Variants in NUP58 observed in about 807,000 individuals in gnomAD.
NUP58 encodes nucleoporin p58/p45.
In NUP58, 17 loss-of-function variants were observed where a neutral mutation model predicts 70.1. That is an observed-to-expected ratio of 0.24 (90% CI 0.17 to 0.36). The LOEUF (loss-of-function observed/expected upper bound fraction) is 0.36. NUP58 is among the 10% of genes least tolerant of loss of function. NUP58 has a pLI of 1.00. For synonymous variants in NUP58, 275 were observed against 257.6 expected (o/e 1.07, Z -0.65); for missense variants, 644 against 701.5 (o/e 0.92, Z 0.93).
intron 12 of NUP58, among the ~76,000 whole-genome samples, chr13:25,328,187 A>G (rs2031472834): frequency 6.6e-6 from 1 of 151,970 alleles, no homozygotes; most frequent in African/African-American, 2.4e-5. Flanking sequence ...CAACAGAGCA[A>G]GATTCCATCT....
chr13:25,335,503 C>T, intron 13 of NUP58: 25 of 984,994 alleles, frequency 2.5e-5, no homozygotes, highest in Non-Finnish European at 3.0e-5. Context: ...GTTTCTTTTT[C>T]CTATAGTAAC....
intron 9 of NUP58, among the ~76,000 whole-genome samples, chr13:25,322,470 A>G (rs1279542379): frequency 6.6e-6 from 1 of 152,218 alleles, no homozygotes; most frequent in Non-Finnish European, 1.5e-5. Context: ...CAAAATCTGA[A>G]ATGTTGCAAA....
In NUP58 at chr13:25,307,817, T is replaced by C. The variant is rs748952546; in HGVS notation, c.119T>C (p.Val40Ala). 1 of 1,614,186 alleles carries C rather than the reference T, an allele frequency of 6.2e-7. No individual in the cohort carries two copies. The highest frequency in any genetic ancestry group is 1.1e-5 in the South Asian group (1 of 91,086). Residue 40 changes from valine to alanine, a missense_variant, in exon 2 of 16, where the codon GTG becomes GCG. Around this residue, in one of 4 missense-constraint regions of NUP58, gnomAD observed 430 missense variants for 409.2 expected, o/e 1.05. Coordinates refer to ENST00000381736, the MANE Select transcript of NUP58 (RefSeq NM_014089.4). ...TTTCTTTAAATAAGCAACCCTTCTG[T>C]GGGGCTCAATTTTGGAAATCTTGGA... ...FGTGASSNPSVGLNFGNLGST... is the reference protein window; with the variant it reads ...FGTGASSNPSAGLNFGNLGST...
At chr13:25,308,744 A>C (rs564706044) in intron 2 of NUP58, among the ~76,000 whole-genome samples, 8 of 152,316 alleles carry the variant, frequency 5.3e-5, no homozygotes, top group African/African-American at 1.9e-4. Context: ...TGGAAAAATA[A>C]TGTTTCACTG....
chr13:25,334,653 A>G (rs2031720885), intron 13 of NUP58: 6 of 980,716 alleles, frequency 6.1e-6, no homozygotes, highest in Non-Finnish European at 7.3e-6. Context: ...AGAAATAACC[A>G]TACTAATTAC....
chr13:25,347,284 AAT>A (rs2032061929), downstream of NUP58, among the ~76,000 whole-genome samples: 1 of 152,138 alleles, frequency 6.6e-6, no homozygotes. Flanking sequence ...GAGTGAAGAG[AAT>A]ACCTTTCCTT....
chr13:25,309,921 A>G, intron 3 of NUP58: 2 of 240,956 alleles, frequency 8.3e-6, no homozygotes, highest in Non-Finnish European at 1.8e-5. Context: ...AAGGATTGGC[A>G]GACTTTCTTC....
chr13:25,313,115 A>G, intron 4 of NUP58, 83 bp downstream of exon 4: 2 of 1,441,254 alleles, frequency 1.4e-6, no homozygotes, highest in African/African-American at 1.4e-5. Flanking sequence ...TCACCTTACT[A>G]CAGAAATTAT....
At chr13:25,323,081 C>T (rs965114747) in intron 9 of NUP58, among the ~76,000 whole-genome samples, 19 of 152,008 alleles carry the variant, frequency 1.2e-4, no homozygotes, top group African/African-American at 4.1e-4. Flanking sequence ...ATAATGGGCA[C>T]ATTAATAGTC....
At chr13:25,326,007 G>GT (rs2031380416) in intron 10 of NUP58, among the ~76,000 whole-genome samples, 1 of 152,024 alleles carries the variant, frequency 6.6e-6, no homozygotes, top group Admixed American at 6.6e-5. Context: ...CACATTCTAT[G>GT]TGTGTATATA....
chr13:25,313,762 G>T lies in NUP58; in HGVS notation c.574+11G>T. The T allele has an allele frequency of 6.6e-7, 1 of 1,513,718 alleles. No individual in the cohort carries two copies. The allele number at this position is 1,513,718 out of a possible 1,614,324, so 93.8% of individuals were successfully genotyped here. A position where few individuals can be genotyped will look rare whatever the true frequency, so the allele number is the denominator to read the frequency against. On this transcript the variant is annotated intron_variant, in intron 5 of 15. Coordinates refer to ENST00000381736, the MANE Select transcript of NUP58 (RefSeq NM_014089.4). ...ACACAGGAACATCAGGTAATTGATG[G>T]TATTTATTCTCCAGAATAGTAAATA...
chr13:25,339,351 T>C (rs942773787), intron 15 of NUP58, among the ~76,000 whole-genome samples: 2 of 152,294 alleles, frequency 1.3e-5, no homozygotes, highest in African/African-American at 4.8e-5. Flanking sequence ...TTAGAGAATT[T>C]GAAGGAATTA....
At chr13:25,304,478 TTATATATATA>T (rs67019897) in intron 1 of NUP58, among the ~76,000 whole-genome samples, 5,095 of 83,350 alleles carry the variant, frequency 0.061, 224 homozygotes, top group East Asian at 0.18. Context: ...GTTGTCAAGA[TTATATATATA>T]TATATATATA....
Position 25,339,876 on chromosome 13 carries a change from T to A in NUP58, c.1631-89T>A, listed in dbSNP as rs1444292383. ...CTATTCTTACAGATTATGTATTCTTTTAGATAGAAATTTACTGCTCCTCCC... is the reference window on the plus strand; with the variant it reads ...CTATTCTTACAGATTATGTATTCTTATAGATAGAAATTTACTGCTCCTCCC... On this transcript the variant is annotated intron_variant, in intron 15 of 15. Coordinates refer to ENST00000381736, the MANE Select transcript of NUP58 (RefSeq NM_014089.4). The A allele has an allele frequency of 4.4e-6, 5 of 1,137,996 alleles. No individual in the cohort carries two copies. In the East Asian group the frequency reaches 1.2e-4, roughly 28 times the overall value. 70.5% of individuals were successfully genotyped at this position (1,137,996 alleles called of 1,614,324 possible).
chr13:25,333,073 TA>T, intron 13 of NUP58: 1 of 985,270 alleles, frequency 1.0e-6, no homozygotes, highest in Non-Finnish European at 1.2e-6. Flanking sequence ...TGTAAGTGAA[TA>T]TATTCTATGA....
At chr13:25,322,088 C>T (rs1023782433) in intron 9 of NUP58, among the ~76,000 whole-genome samples, 1 of 152,154 alleles carries the variant, frequency 6.6e-6, no homozygotes, top group Non-Finnish European at 1.5e-5. Flanking sequence ...GTTGTAGTTA[C>T]CGTAATTACA....
At chr13:25,332,482 T>C in intron 13 of NUP58, 1 of 983,900 alleles carries the variant, frequency 1.0e-6, no homozygotes, top group Non-Finnish European at 1.2e-6. Flanking sequence ...TACTATTCAA[T>C]AGCATGTGTC....
intron 1 of NUP58, among the ~76,000 whole-genome samples, chr13:25,303,599 C>T (rs2030143066): frequency 6.6e-6 from 1 of 152,118 alleles, no homozygotes; most frequent in South Asian, 2.1e-4. Context: ...TGGTCTCTTC[C>T]CCAGAGAGGC....
chr13:25,337,096 G>T, intron 14 of NUP58, 62 bp downstream of exon 14: 1 of 1,112,202 alleles, frequency 9.0e-7, no homozygotes, highest in South Asian at 1.8e-5. Context: ...ATACTAGCCT[G>T]TAAAAAAAAA....
Sources: gnomAD v4.1 joint callset for allele counts (sites outside exome capture counted in the v4.1 genomes callset) on GRCh38, gnomAD v4.1.1 for gene constraint, gnomAD v4.1.1 regional missense constraint, MANE v1.5 for transcripts, NCBI Gene and HGNC (gene_info 2026-07-23, HGNC 2026-07-21) for gene names.